PDZRN4: variants seen among roughly 807,000 people sequenced by gnomAD.
PDZRN4 encodes the protein PDZ domain containing ring finger 4.
A neutral mutation model predicts 99.0 loss-of-function variants in PDZRN4; 70 were observed. The observed-to-expected ratio is 0.71, with a 90% CI of 0.58 to 0.86. The LOEUF (loss-of-function observed/expected upper bound fraction) is 0.86, where lower values mean the gene tolerates loss of function less well. Ranked by LOEUF, PDZRN4 falls within the 40% of genes least tolerant of loss-of-function variation. The probability of loss-of-function intolerance (pLI) is 0.00; values close to 1 mark genes in which losing one functional copy is unlikely to be tolerated. For synonymous variants in PDZRN4, 551 were observed against 501.6 expected (o/e 1.10, Z -1.32); for missense variants, 1,474 against 1,331.2 (o/e 1.11, Z -1.67).
At chr12:41,516,057 C>T (rs2120700351) in intron 5 of PDZRN4, among the ~76,000 whole-genome samples, 1 of 152,076 alleles carries the variant, frequency 6.6e-6, no homozygotes, top group South Asian at 2.1e-4. Flanking sequence ...CTCTGGAATG[C>T]TTTTCTGACA....
chr12:41,520,531 A>G (rs1938475723), intron 5 of PDZRN4, among the ~76,000 whole-genome samples: 1 of 151,976 alleles, frequency 6.6e-6, no homozygotes, highest in Non-Finnish European at 1.5e-5. Context: ...TTGTTCTTCA[A>G]ATTAAATATG....
At chr12:41,563,157 A>G (rs981518482) in intron 7 of PDZRN4, among the ~76,000 whole-genome samples, 2 of 152,146 alleles carry the variant, frequency 1.3e-5, no homozygotes, top group African/African-American at 2.4e-5. Context: ...AGCGTGCAGG[A>G]TGACGGATTT....
intron 3 of PDZRN4, among the ~76,000 whole-genome samples, chr12:41,308,373 T>C (rs910160661): frequency 4.6e-5 from 7 of 152,124 alleles, no homozygotes; most frequent in African/African-American, 7.2e-5. Context: ...TAAATATCGG[T>C]TGAGGAACCT....
chr12:41,424,513 T>G (rs1952518740), intron 3 of PDZRN4, among the ~76,000 whole-genome samples: 1 of 152,312 alleles, frequency 6.6e-6, no homozygotes, highest in Non-Finnish European at 1.5e-5. Flanking sequence ...CAAAATTGGT[T>G]GCTAGAAGCT....
At chr12:41,292,693 T>TA (rs112635564) in intron 3 of PDZRN4, among the ~76,000 whole-genome samples, 20,012 of 152,086 alleles carry the variant, frequency 0.13, 1,710 homozygotes, top group African/African-American at 0.25. Flanking sequence ...AATGACATTC[T>TA]AAGTATGCTG....
chr12:41,565,386 TA>T (rs1288915278), intron 8 of PDZRN4, among the ~76,000 whole-genome samples: 2 of 151,440 alleles, frequency 1.3e-5, no homozygotes, highest in African/African-American at 4.9e-5. Context: ...AAATACATTT[TA>T]ATACCATACT....
intron 3 of PDZRN4, among the ~76,000 whole-genome samples, chr12:41,337,841 C>G (rs938270162): frequency 1.3e-5 from 2 of 152,106 alleles, no homozygotes; most frequent in East Asian, 3.9e-4. Context: ...CAAAGCAATA[C>G]TATAAAATGA....
At chr12:41,540,575 A>AT (rs1160010784) in intron 5 of PDZRN4, among the ~76,000 whole-genome samples, 1 of 152,200 alleles carries the variant, frequency 6.6e-6, no homozygotes, top group East Asian at 1.9e-4. Flanking sequence ...TTTGCAAATA[A>AT]TTGTCATTCC....
chr12:41,241,856 G>T (rs1951103896), intron 3 of PDZRN4, among the ~76,000 whole-genome samples: 1 of 152,218 alleles, frequency 6.6e-6, no homozygotes, highest in Non-Finnish European at 1.5e-5. Context: ...ATAGTGTTTA[G>T]TTGAGCTAAG....
chr12:41,506,767 G>A, intron 4 of PDZRN4, 55 bp downstream of exon 4: 2 of 1,543,490 alleles, frequency 1.3e-6, no homozygotes, highest in Non-Finnish European at 1.7e-6. Flanking sequence ...GTCACGTAAA[G>A]CAGATGTTGA....
Position 41,555,732 on chromosome 12 carries a change from G to C in PDZRN4, c.1337G>C (p.Arg446Pro), listed in dbSNP as rs138596022. The change falls in exon 7 of 10, where the codon CGG (arginine) becomes CCG (proline). Residue 446 changes from arginine to proline, a missense_variant. Physicochemically the swap from Arg to Pro is moderately radical, Grantham distance 103. Transcript: ENST00000402685. ...AATAGCATTGCTGCCAAAGACGGCC[G>C]GATTCGAGAAGGGGATCGGATTTTG... ...DPNSIAAKDG[R>P]IREGDRILQI... 5 of 1,613,784 alleles carry C rather than the reference G, an allele frequency of 3.1e-6. No homozygotes were observed. The African/African-American group carries it at 6.7e-5, about 22-fold the overall frequency.
chr12:41,233,252 C>A (rs1368993474), intron 3 of PDZRN4, among the ~76,000 whole-genome samples: 1 of 152,112 alleles, frequency 6.6e-6, no homozygotes, highest in Admixed American at 6.6e-5. Context: ...CATCTCACAC[C>A]AGTTAGAATG....
At chr12:41,331,529 C>T (rs1017385639) in intron 3 of PDZRN4, among the ~76,000 whole-genome samples, 5 of 152,002 alleles carry the variant, frequency 3.3e-5, no homozygotes, top group Admixed American at 2.6e-4. Flanking sequence ...AAAAAAGAAG[C>T]TCTGTGGGTA....
chr12:41,250,693 C>G (rs893965483), intron 3 of PDZRN4, among the ~76,000 whole-genome samples: 1 of 152,172 alleles, frequency 6.6e-6, no homozygotes, highest in Non-Finnish European at 1.5e-5. Flanking sequence ...CTAATGATTT[C>G]CTGTTGAAAC....
At chr12:41,251,671 A>G (rs1261873183) in intron 3 of PDZRN4, among the ~76,000 whole-genome samples, 2 of 152,122 alleles carry the variant, frequency 1.3e-5, no homozygotes, top group Non-Finnish European at 2.9e-5. Context: ...CTGTTTGAAG[A>G]CCCTTTGTAT....
At chr12:41,226,374 C>G (rs1384318268) in intron 3 of PDZRN4, among the ~76,000 whole-genome samples, 1 of 151,902 alleles carries the variant, frequency 6.6e-6, no homozygotes, top group Non-Finnish European at 1.5e-5. Flanking sequence ...CTATCTACTT[C>G]TCACTAGATC....
intron 3 of PDZRN4, among the ~76,000 whole-genome samples, chr12:41,326,552 A>T (rs1440485248): frequency 6.6e-6 from 1 of 152,176 alleles, no homozygotes; most frequent in Non-Finnish European, 1.5e-5. Context: ...AGGATTAAAA[A>T]GTGAGTAGAA....
At chr12:41,438,139 T>A in intron 3 of PDZRN4, 1 of 1,156,640 alleles carries the variant, frequency 8.6e-7, no homozygotes, top group Non-Finnish European at 1.2e-6. Context: ...GCAGACTTGC[T>A]GGTTTGGGGC....
At chr12:41,524,128 T>C (rs1166442712) in intron 5 of PDZRN4, among the ~76,000 whole-genome samples, 1 of 152,124 alleles carries the variant, frequency 6.6e-6, no homozygotes, top group Non-Finnish European at 1.5e-5. Flanking sequence ...AAAGATAAAA[T>C]ACTTAGGAAT....
Sources: gnomAD v4.1 joint callset for allele counts (sites outside exome capture counted in the v4.1 genomes callset) on GRCh38, gnomAD v4.1.1 for gene constraint, MANE v1.5 for transcripts, NCBI Gene and HGNC (gene_info 2026-07-23, HGNC 2026-07-21) for gene names.